HIP1: variants seen among roughly 807,000 people sequenced by gnomAD.
HIP1 encodes huntingtin-interacting protein 1.
HIP1 carries 65 observed loss-of-function variants against 147.6 expected under a neutral mutation model. The observed-to-expected ratio is 0.44, with a 90% CI of 0.36 to 0.54. HIP1 has a LOEUF of 0.54. Among genes scored for constraint, HIP1 ranks in the 20% least tolerant of loss-of-function variants. The pLI, the probability that HIP1 is intolerant of heterozygous loss-of-function variation, is 0.00. For synonymous variants in HIP1, 479 were observed against 504.0 expected (o/e 0.95, Z 0.67); for missense variants, 1,061 against 1,299.6 (o/e 0.82, Z 2.82).
At chr7:75,618,331 A>G (rs145945841) in intron 1 of HIP1, among the ~76,000 whole-genome samples, 222 of 152,200 alleles carry the variant, frequency 1.5e-3, no homozygotes, top group African/African-American at 4.3e-3. Context: ...TTATATTTTT[A>G]GTAGAAACAG....
chr7:75,693,926 T>TTTTTG (rs1800544448), intron 1 of HIP1, among the ~76,000 whole-genome samples: 1 of 144,072 alleles, frequency 6.9e-6, no homozygotes, highest in East Asian at 2.0e-4. Flanking sequence ...TTTCTTTTTT[T>TTTTTG]TTTTTTTTTT....
intron 12 of HIP1, among the ~76,000 whole-genome samples, chr7:75,561,817 C>T (rs587647026): frequency 2.2e-4 from 34 of 152,112 alleles, no homozygotes; most frequent in African/African-American, 8.2e-4. Context: ...AATTTTTTTA[C>T]TTTTATTTAA....
In HIP1 at chr7:75,738,730, C is replaced by T. The variant is rs1409099532; in HGVS notation, c.120+71G>A. 4.5e-6 allele frequency: 7 copies of T among 1,539,586 alleles called. No individual in the cohort carries two copies. The African/African-American group carries it at 8.2e-5, about 18-fold the overall frequency. On this transcript the variant is annotated intron_variant, in intron 1 of 30. Transcript: ENST00000336926. ...CTGGGGCCTGCAAGACTCCTACTCC[C>T]TTCAAAGCCCCTCCCGGACACCGCG... is the stretch of plus-strand genomic sequence containing the variant.
At chr7:75,594,004 G>A (rs1289824612) in intron 2 of HIP1, among the ~76,000 whole-genome samples, 1 of 151,466 alleles carries the variant, frequency 6.6e-6, no homozygotes, top group East Asian at 2.0e-4. Flanking sequence ...CATCAGGGTG[G>A]AGCGCGGTGG....
intron 1 of HIP1, among the ~76,000 whole-genome samples, chr7:75,695,550 G>C (rs1191136835): frequency 6.9e-6 from 1 of 145,502 alleles, no homozygotes; most frequent in Non-Finnish European, 1.5e-5. Context: ...ATTCAGAAGG[G>C]GTTGTGGAGC....
At chr7:75,617,073 A>ATTTTTT (rs71519374) in intron 1 of HIP1, among the ~76,000 whole-genome samples, 1 of 123,546 alleles carries the variant, frequency 8.1e-6, no homozygotes. Context: ...CACCCAGCTA[A>ATTTTTT]TTTTTTTTTT....
At chr7:75,734,344 G>A (rs1477549755) in intron 1 of HIP1, among the ~76,000 whole-genome samples, 1 of 152,038 alleles carries the variant, frequency 6.6e-6, no homozygotes, top group Non-Finnish European at 1.5e-5. Flanking sequence ...CACTCAGGAG[G>A]CTAAGGCAGG....
At chr7:75,606,309 T>C (rs1314253027) in intron 1 of HIP1, among the ~76,000 whole-genome samples, 2 of 152,056 alleles carry the variant, frequency 1.3e-5, no homozygotes, top group Non-Finnish European at 2.9e-5. Flanking sequence ...GATGCATCCA[T>C]GGTGCCTCCA....
intron 1 of HIP1, among the ~76,000 whole-genome samples, chr7:75,652,567 G>A (rs1372285770): frequency 2.6e-5 from 4 of 151,826 alleles, no homozygotes; most frequent in Non-Finnish European, 5.9e-5. Flanking sequence ...TCTCGTTTTT[G>A]TTGCCTGGGC....
In HIP1 at chr7:75,535,153, T is replaced by A. The variant is rs1018234276; in HGVS notation, c.*3019A>T. 3.2e-5 allele frequency: 7 copies of A among 215,614 alleles called. No individual in the cohort carries two copies. In the Admixed American group the frequency reaches 3.5e-4, roughly 11 times the overall value. The allele number at this position is 215,614 out of a possible 1,614,324, so 13.4% of individuals were successfully genotyped here. A position where few individuals can be genotyped will look rare whatever the true frequency, so the allele number is the denominator to read the frequency against. On this transcript the variant is annotated 3_prime_UTR_variant, in exon 31 of 31. Coordinates refer to ENST00000336926, the MANE Select transcript of HIP1 (RefSeq NM_005338.7). ...CACTGAATTAGCCTCTGCTTCTGTT[T>A]AAGTGCTTTCTTAACCGTTATGACT...
At chr7:75,544,264 G>A (rs1794448553) in intron 27 of HIP1, among the ~76,000 whole-genome samples, 1 of 151,710 alleles carries the variant, frequency 6.6e-6, no homozygotes, top group Admixed American at 6.6e-5. Context: ...CCTGAGCCCT[G>A]GATAGATCAT....
intron 1 of HIP1, among the ~76,000 whole-genome samples, chr7:75,664,279 T>TAC (rs1188007504): frequency 7.2e-6 from 1 of 139,462 alleles, no homozygotes; most frequent in Non-Finnish European, 1.6e-5. Flanking sequence ...CATACATATA[T>TAC]ACACACATAT....
chr7:75,541,437 A>G (rs981927454), intron 29 of HIP1, among the ~76,000 whole-genome samples: 16 of 151,912 alleles, frequency 1.1e-4, no homozygotes, highest in Non-Finnish European at 4.4e-5. Flanking sequence ...AGGCTGAGGC[A>G]GGAGAATGGC....
chr7:75,673,061 A>T (rs1423330809), intron 1 of HIP1, among the ~76,000 whole-genome samples: 1 of 146,174 alleles, frequency 6.8e-6, no homozygotes, highest in Non-Finnish European at 1.5e-5. Context: ...TAGCACTGTC[A>T]CCCAGGCTAG....
intron 2 of HIP1, among the ~76,000 whole-genome samples, chr7:75,596,808 G>T (rs1378387655): frequency 2.0e-5 from 3 of 152,192 alleles, no homozygotes; most frequent in Admixed American, 2.0e-4. Context: ...TCTCCTTGCA[G>T]GGCCCCTTCC....
At chr7:75,660,254 C>CAGTG (rs1260277985) in intron 1 of HIP1, among the ~76,000 whole-genome samples, 2 of 147,414 alleles carry the variant, frequency 1.4e-5, no homozygotes, top group Non-Finnish European at 3.0e-5. Flanking sequence ...GGGCCTGGAG[C>CAGTG]AGTGGTTCAT....
chr7:75,623,636 A>G (rs150722395), intron 1 of HIP1, among the ~76,000 whole-genome samples: 31 of 152,318 alleles, frequency 2.0e-4, no homozygotes, highest in Non-Finnish European at 4.3e-4. Context: ...AGCTGCACTC[A>G]AGGACCAGGC....
chr7:75,581,239 G>C lies in HIP1; in HGVS notation c.602C>G (p.Thr201Arg), dbSNP rs782057576. Residue 201 changes from threonine (T) to arginine (R), a missense_variant and splice_region_variant, in exon 7 of 31, where the codon ACA becomes AGA. Physicochemically the swap from Thr to Arg is moderately conservative, Grantham distance 71. Coordinates refer to ENST00000336926, the MANE Select transcript of HIP1 (RefSeq NM_005338.7). The part of the protein sequence containing the change: ...YLECELNLFQ[T>R]VFNSLDMSRS... ...TAGACGGGAGGGAAGAGACTCACCT[G>C]TTTGGAAGAGGTTGAGTTCACACTC... is the stretch of plus-strand genomic sequence containing the variant. 6.2e-7 allele frequency: 1 copy of C among 1,608,562 alleles called. No homozygotes were observed. Among genetic ancestry groups the C allele is most frequent in the Non-Finnish European group, 8.5e-7 (1 of 1,176,446 alleles).
chr7:75,704,152 A>G (rs1051062943), intron 1 of HIP1, among the ~76,000 whole-genome samples: 4 of 152,216 alleles, frequency 2.6e-5, no homozygotes, highest in Admixed American at 2.0e-4. Context: ...ACCAAAGATG[A>G]TCTCACAGAC....
Sources: allele counts gnomAD v4.1 joint callset (sites outside exome capture counted in the v4.1 genomes callset), GRCh38; gene constraint gnomAD v4.1.1; transcripts MANE v1.5; gene names NCBI Gene and HGNC (gene_info 2026-07-23, HGNC 2026-07-21).